ZNF416: variants seen among roughly 807,000 people sequenced by gnomAD.
The protein encoded by ZNF416 is zinc finger protein 416.
In ZNF416, 5 loss-of-function variants were observed where a neutral mutation model predicts 10.9. The ratio of observed to expected loss-of-function variants is 0.46; its 90% CI spans 0.24 to 0.97. The LOEUF is 0.97. Ranked by LOEUF, ZNF416 falls within the 50% of genes least tolerant of loss-of-function variation. The pLI is 0.19. For missense variants in ZNF416, 675 were observed against 715.0 expected, an observed-to-expected ratio of 0.94 and a Z score of 0.64; for synonymous variants, 267 against 251.8, an observed-to-expected ratio of 1.06 and a Z score of -0.57.
rs1453981873 is a variant in ZNF416 at position 57,578,650 on chromosome 19, G to A, written c.33+22C>T. ...ATTTCCGGCGGAGAGGGCAGGTGAGGCCCGGGAGACGCAGCACTCACCGAA... is the reference window on the plus strand; with the variant it reads ...ATTTCCGGCGGAGAGGGCAGGTGAGACCCGGGAGACGCAGCACTCACCGAA... On this transcript the variant is annotated intron_variant, in intron 1 of 3. Coordinates refer to ENST00000196489, the MANE Select transcript of ZNF416 (RefSeq NM_017879.3). The A allele has an allele frequency of 4.5e-6, 7 of 1,545,268 alleles. No homozygotes were observed. The Admixed American group carries it at 9.9e-5, about 22-fold the overall frequency.
Position 57,578,661 on chromosome 19 carries a change from G to A in ZNF416, c.33+11C>T. 6.4e-7 allele frequency: 1 copy of A among 1,552,248 alleles called. No homozygotes were observed. Among genetic ancestry groups the A allele is most frequent in the Non-Finnish European group, 8.7e-7 (1 of 1,150,734 alleles). On this transcript the variant is annotated intron_variant, in intron 1 of 3. Transcript: ENST00000196489. ...AGAGGGCAGGTGAGGCCCGGGAGAC[G>A]CAGCACTCACCGAAGTCGAATCCCT...
In ZNF416 at chr19:57,572,175, G is replaced by T. The variant is rs774289092; in HGVS notation, c.1729C>A (p.Pro577Thr). 1 of 1,614,134 alleles carries T rather than the reference G, an allele frequency of 6.2e-7. No homozygotes were observed. Among genetic ancestry groups the T allele is most frequent in the Admixed American group, 1.7e-5 (1 of 60,026 alleles). ...TTTCCACATTTGCTGCTGTCACGAG[G>T]CCTCTCCACAGTGTGAGATTTTCGG... is the stretch of plus-strand genomic sequence containing the variant. The part of the protein sequence containing the change: ...LHRKSHTVER[P>T]RDSSKCGKPY... Residue 577 changes from proline (P) to threonine (T), a missense_variant, in exon 4 of 4, where the codon CCT (proline) becomes ACT (threonine). By Grantham distance (38) the Pro-to-Thr change is conservative. Coordinates refer to ENST00000196489, the MANE Select transcript of ZNF416 (RefSeq NM_017879.3). This position sits in a 1 kb window ranked among gnomAD's most constrained non-coding sequence, Gnocchi z 4.5.
In ZNF416 at chr19:57,571,987, G is replaced by T. The variant is rs564879246; in HGVS notation, c.*132C>A. 1 of 1,188,030 alleles carries T rather than the reference G, an allele frequency of 8.4e-7. No homozygotes were observed. The highest frequency in any genetic ancestry group is 1.2e-6 in the Non-Finnish European group (1 of 841,634). 73.6% of individuals were successfully genotyped at this position (1,188,030 alleles called of 1,614,324 possible). On this transcript the variant is annotated 3_prime_UTR_variant, in exon 4 of 4. Coordinates refer to ENST00000196489, the MANE Select transcript of ZNF416 (RefSeq NM_017879.3). Reference sequence around the variant, plus strand: ...TAATGGGAGTCTGACCCATCGGGAGGTCTAGAAGTATGAGGTTTAACTTTA... The same window carrying T: ...TAATGGGAGTCTGACCCATCGGGAGTTCTAGAAGTATGAGGTTTAACTTTA...
chr19:57,575,315 G>C lies in ZNF416; in HGVS notation c.202+489C>G, dbSNP rs1978490697. Among the ~76,000 whole-genome samples, 1 of 152,198 alleles carries C rather than the reference G, an allele frequency of 6.6e-6. No individual in the cohort carries two copies. Among genetic ancestry groups the C allele is most frequent in the South Asian group, 2.1e-4 (1 of 4,830 alleles). ...TGAAGCAAGTCCTAAGGGAAAGCTG[G>C]GACAGGTGAGTATCCTGCAGTGGCC... On this transcript the variant is annotated intron_variant, in intron 3 of 3. Coordinates refer to ENST00000196489, the MANE Select transcript of ZNF416 (RefSeq NM_017879.3). The surrounding 1 kb of genome is among the most constrained non-coding windows in gnomAD (Gnocchi z 4.4).
chr19:57,572,990 T>C lies in ZNF416; in HGVS notation c.914A>G (p.Lys305Arg). The change falls in exon 4 of 4, where the codon AAA (lysine) becomes AGA (arginine). Residue 305 changes from lysine (K) to arginine (R), a missense_variant. Physicochemically the swap from Lys to Arg is conservative, Grantham distance 26 (BLOSUM62 2). Transcript: ENST00000196489. The surrounding 1 kb of genome is among the most constrained non-coding windows in gnomAD (Gnocchi z 4.5). The stretch of plus-strand genomic sequence containing the variant: ...GAGGGTGGCTCTTTGGCTAAATGAT[T>C]TCCCACACTGACCACACACATAAGG... ...ERPYVCGQCG[K>R]SFSQRATLIK... The C allele has an allele frequency of 2.5e-6, 4 of 1,614,184 alleles. No homozygotes were observed. The highest frequency in any genetic ancestry group is 2.5e-6 in the Non-Finnish European group (3 of 1,179,998).
rs1190422823 is a variant in ZNF416 at position 57,574,044 on chromosome 19, A to G, written c.203-343T>C. On this transcript the variant is annotated intron_variant, in intron 3 of 3. Coordinates refer to ENST00000196489, the MANE Select transcript of ZNF416 (RefSeq NM_017879.3). ...CTCAAAAACAAAACAAAACAAAACA[A>G]AATAAAAAACATTGCTGGCTGGGGA... Among the ~76,000 whole-genome samples the G allele has an allele frequency of 8.5e-5, 13 of 152,260 alleles. No individual in the cohort carries two copies. The South Asian group carries it at 1.9e-3, about 22-fold the overall frequency.
chr19:57,576,084 C>G (rs1357797006), intron 2 of ZNF416, among the ~76,000 whole-genome samples, 154 bp from the exon 3 acceptor site: 1 of 152,134 alleles, frequency 6.6e-6, no homozygotes, highest in African/African-American at 2.4e-5. Context: ...CTGCCCTCTC[C>G]TCATGGTCCC....
rs200563472 is a variant in ZNF416, at chr19:57,573,363, G to C, written c.541C>G (p.Leu181Val). Reference sequence around the variant, plus strand: ...GGCTGAAGAATGCCCAATGGGGCTAGGAAGTCCTTCCCAACCTCACTGCTG... The same window carrying C: ...GGCTGAAGAATGCCCAATGGGGCTACGAAGTCCTTCCCAACCTCACTGCTG... The part of the protein sequence containing the change: ...FTSSEVGKDF[L>V]APLGILQPQA... Residue 181 changes from leucine (L) to valine (V), a missense_variant, in exon 4 of 4, where the codon CTA (leucine) becomes GTA (valine). Physicochemically the swap from Leu to Val is conservative, Grantham distance 32. Transcript: ENST00000196489. The C allele has an allele frequency of 3.5e-5, 56 of 1,614,062 alleles. No homozygotes were observed. The highest frequency in any genetic ancestry group is 4.4e-5 in the Non-Finnish European group (52 of 1,180,028).
chr19:57,578,856 T>C lies in ZNF416; in HGVS notation c.-152A>G. On this transcript the variant is annotated 5_prime_UTR_variant, in exon 1 of 4. Transcript: ENST00000196489. ...GGCAGCGTTTCTAACTCAGGCGGCG[T>C]GGGCCGAGGTAGAGAACCACCAAAA... 1 of 705,136 alleles carries C rather than the reference T, an allele frequency of 1.4e-6. No individual in the cohort carries two copies. Among genetic ancestry groups the C allele is most frequent in the Non-Finnish European group, 2.1e-6 (1 of 480,068 alleles). The allele number at this position is 705,136 out of a possible 1,614,324, so 43.7% of individuals were successfully genotyped here. A position where few individuals can be genotyped will look rare whatever the true frequency, so the allele number is the denominator to read the frequency against.
rs780400032 is a variant in ZNF416, at chr19:57,573,146, C to T, written c.758G>A (p.Cys253Tyr). 1.9e-5 allele frequency: 30 copies of T among 1,614,200 alleles called. No individual in the cohort carries two copies. Among genetic ancestry groups the T allele is most frequent in the Non-Finnish European group, 2.5e-5 (30 of 1,180,022 alleles). The change falls in exon 4 of 4, where the codon TGT becomes TAT. Residue 253 changes from cysteine (C) to tyrosine (Y), a missense_variant. Physicochemically the swap from Cys to Tyr is radical, Grantham distance 194. Coordinates refer to ENST00000196489, the MANE Select transcript of ZNF416 (RefSeq NM_017879.3). ...ESSKCGKACC[C>Y]ECSLVQLQRV... is the part of the protein sequence containing the mutation. ...TTGCAGCTGAACAAGGGAGCACTCACAGCAGCAGGCTTTCCCACATTTGCT... is the reference window on the plus strand; with the variant it reads ...TTGCAGCTGAACAAGGGAGCACTCATAGCAGCAGGCTTTCCCACATTTGCT...
At position 57,571,925 on chromosome 19, in the gene ZNF416, T is replaced by C. The variant is rs2090195178; in HGVS notation, c.*194A>G. On this transcript the variant is annotated 3_prime_UTR_variant, in exon 4 of 4. Coordinates refer to ENST00000196489, the MANE Select transcript of ZNF416 (RefSeq NM_017879.3). The stretch of plus-strand genomic sequence containing the variant: ...CAAAGGCCTCCAGCAGTTTAGAACA[T>C]GCAAAGGAGCTCCTGCAAGACACAT... 1.5e-6 allele frequency: 1 copy of C among 654,546 alleles called. No individual in the cohort carries two copies. The highest frequency in any genetic ancestry group is 2.2e-5 in the South Asian group (1 of 45,372). The allele number at this position is 654,546 out of a possible 1,614,324, so 40.5% of individuals were successfully genotyped here.
intron 3 of ZNF416, among the ~76,000 whole-genome samples, chr19:57,574,747 A>G (rs1184333101): frequency 6.6e-6 from 1 of 152,154 alleles, no homozygotes; most frequent in African/African-American, 2.4e-5. Context: ...AGGGTCTCCA[A>G]TCTATTCTTT....
chr19:57,578,013 A>C lies in ZNF416; in HGVS notation c.75+44T>G. The C allele has an allele frequency of 2.5e-6, 4 of 1,609,614 alleles. No individual in the cohort carries two copies. The South Asian group carries it at 4.4e-5, about 18-fold the overall frequency. On this transcript the variant is annotated intron_variant, in intron 2 of 3. Transcript: ENST00000196489. ...CCAGAACACAATCTCAGAGACAAAC[A>C]CTGGGGTCAGCATCAGTGAGGGCCC... is the stretch of plus-strand genomic sequence containing the variant.
rs760366960 is a variant in ZNF416, at chr19:57,578,685, C to A, written c.20G>T (p.Arg7Met). MAAAVL[R>M]DSTSVPVTAE... Reference sequence around the variant, plus strand: ...CGCAGCACTCACCGAAGTCGAATCCCTAAGCACGGCCGCCGCCATCGGATT... The same window carrying A: ...CGCAGCACTCACCGAAGTCGAATCCATAAGCACGGCCGCCGCCATCGGATT... Residue 7 changes from arginine (R) to methionine (M), a missense_variant, in exon 1 of 4, where the codon AGG (arginine) becomes ATG (methionine). By Grantham distance (91) the Arg-to-Met change is moderately conservative. Coordinates refer to ENST00000196489, the MANE Select transcript of ZNF416 (RefSeq NM_017879.3). 6.4e-7 allele frequency: 1 copy of A among 1,554,146 alleles called. No homozygotes were observed. Among genetic ancestry groups the A allele is most frequent in the South Asian group, 1.2e-5 (1 of 83,926 alleles).
rs1978414692 is a variant in ZNF416, at chr19:57,573,632, A to C, written c.272T>G (p.Val91Gly). The C allele has an allele frequency of 6.2e-7, 1 of 1,614,146 alleles. No homozygotes were observed. The highest frequency in any genetic ancestry group is 8.5e-7 in the Non-Finnish European group (1 of 1,180,006). Reference protein sequence around the residue: ...QSVSVEGVPQVRTPEASPSTQ... With the variant: ...QSVSVEGVPQGRTPEASPSTQ... ...GGATGGACTGGCCTCTGGAGTCCTG[A>C]CCTGAGGTACTCCTTCTACAGAAAC... Residue 91 changes from valine to glycine, a missense_variant, in exon 4 of 4, where the codon GTC becomes GGC. Physicochemically the swap from Val to Gly is moderately radical, Grantham distance 109. Coordinates refer to ENST00000196489, the MANE Select transcript of ZNF416 (RefSeq NM_017879.3).
At chr19:57,578,264 A>G (rs1196553969) in intron 1 of ZNF416, among the ~76,000 whole-genome samples, 166 bp from the exon 2 acceptor site, 3 of 152,116 alleles carry the variant, frequency 2.0e-5, no homozygotes, top group Admixed American at 1.3e-4. Flanking sequence ...GGGACCTTGC[A>G]CAAGGACTCA....
chr19:57,575,193 G>A lies in ZNF416; in HGVS notation c.202+611C>T, dbSNP rs944612435. On this transcript the variant is annotated intron_variant, in intron 3 of 3. Coordinates refer to ENST00000196489, the MANE Select transcript of ZNF416 (RefSeq NM_017879.3). The surrounding 1 kb of genome is among the most constrained non-coding windows in gnomAD (Gnocchi z 4.4). ...TCCTCACCCAGGTGCCACTGACTGA[G>A]GCCAGGCTTCCTCTGAAGCCATATT... Among the ~76,000 whole-genome samples, 1 of 152,152 alleles carries A rather than the reference G, an allele frequency of 6.6e-6. No homozygotes were observed. The highest frequency in any genetic ancestry group is 6.5e-5 in the Admixed American group (1 of 15,274).
rs1224540525 is a variant in ZNF416, at chr19:57,575,393, G to C, written c.202+411C>G. On this transcript the variant is annotated intron_variant, in intron 3 of 3. Transcript: ENST00000196489. This position sits in a 1 kb window ranked among gnomAD's most constrained non-coding sequence, Gnocchi z 4.4. ...CAAGAAAGAAAATTAATATCACACA[G>C]ATCCTTGAAGGAGGTTCTGGCAACC... Among the ~76,000 whole-genome samples, 2 of 152,274 alleles carry C rather than the reference G, an allele frequency of 1.3e-5. No homozygotes were observed. Among genetic ancestry groups the C allele is most frequent in the East Asian group, 3.9e-4 (2 of 5,178 alleles).
At position 57,572,208 on chromosome 19, in the gene ZNF416, T is replaced by C. The variant is rs765830594; in HGVS notation, c.1696A>G (p.Ile566Val). 6.2e-7 allele frequency: 1 copy of C among 1,614,224 alleles called. No homozygotes were observed. Among genetic ancestry groups the C allele is most frequent in the Non-Finnish European group, 8.5e-7 (1 of 1,180,024 alleles). Residue 566 changes from isoleucine to valine, a missense_variant, in exon 4 of 4, where the codon ATT (isoleucine) becomes GTT (valine). Transcript: ENST00000196489. This position sits in a 1 kb window ranked among gnomAD's most constrained non-coding sequence, Gnocchi z 4.5. ...ACAGTGTGAGATTTTCGGTGGAGAATGAGGCCAGAGTGTTGTGTAAAGGAC... is the reference window on the plus strand; with the variant it reads ...ACAGTGTGAGATTTTCGGTGGAGAACGAGGCCAGAGTGTTGTGTAAAGGAC... ...GKSFTQHSGL[I>V]LHRKSHTVER...
Sources: allele counts gnomAD v4.1 joint callset (sites outside exome capture counted in the v4.1 genomes callset), GRCh38; gene constraint gnomAD v4.1.1; non-coding constraint Gnocchi (gnomAD v3.1); transcripts MANE v1.5; gene names NCBI Gene and HGNC (gene_info 2026-07-23, HGNC 2026-07-21).